Variants in BRMS1L observed in about 807,000 individuals in gnomAD.
The protein encoded by BRMS1L is breast cancer metastasis-suppressor 1-like protein.
Under a neutral mutation model 50.3 loss-of-function variants are expected in BRMS1L, and 23 were observed. The ratio of observed to expected loss-of-function variants is 0.46; its 90% CI spans 0.33 to 0.65. The LOEUF (loss-of-function observed/expected upper bound fraction) is 0.65. BRMS1L is among the 30% of genes least tolerant of loss of function. The probability of loss-of-function intolerance (pLI) is 0.02; values close to 1 mark genes in which losing one functional copy is unlikely to be tolerated. For missense variants in BRMS1L, 286 were observed against 386.1 expected, an observed-to-expected ratio of 0.74 and a Z score of 2.17; for synonymous variants, 114 against 126.9, an observed-to-expected ratio of 0.90 and a Z score of 0.69.
rs754644020 is a variant in BRMS1L, at chr14:35,870,498, A to C, written c.*21A>C. On this transcript the variant is annotated 3_prime_UTR_variant, in exon 10 of 10. Coordinates refer to ENST00000216807, the MANE Select transcript of BRMS1L (RefSeq NM_032352.4). ...CATAATCATGATTTAAGTGTTATCT[A>C]AATTTACCTTATTAGTGTTACCAAA... 2.1e-6 allele frequency: 3 copies of C among 1,462,068 alleles called. No homozygotes were observed. The highest frequency in any genetic ancestry group is 3.6e-5 in the Admixed American group (2 of 56,022). The allele number at this position is 1,462,068 out of a possible 1,614,324, so 90.6% of individuals were successfully genotyped here. A position where few individuals can be genotyped will look rare whatever the true frequency, so the allele number is the denominator to read the frequency against.
At chr14:35,865,685 A>T (rs1594349685) in intron 7 of BRMS1L, 37 bp from the exon 8 acceptor site, 1 of 1,508,058 alleles carries the variant, frequency 6.6e-7, no homozygotes, top group Non-Finnish European at 9.0e-7. Context: ...CTGAACTCAG[A>T]CTTCTTTCTT....
intron 4 of BRMS1L, among the ~76,000 whole-genome samples, chr14:35,854,962 G>A (rs568943399): frequency 6.6e-6 from 1 of 152,326 alleles, no homozygotes; most frequent in East Asian, 1.9e-4. Context: ...ATACTTTCAG[G>A]AAAAACTTTT....
intron 4 of BRMS1L, among the ~76,000 whole-genome samples, chr14:35,837,425 T>G (rs1261883926): frequency 1.3e-5 from 2 of 152,188 alleles, no homozygotes; most frequent in East Asian, 3.8e-4. Context: ...ACCTTTTTCA[T>G]TTATTCCATA....
chr14:35,855,780 A>C (rs1566425785), intron 4 of BRMS1L, among the ~76,000 whole-genome samples: 1 of 152,154 alleles, frequency 6.6e-6, no homozygotes, highest in Non-Finnish European at 1.5e-5. Context: ...GTGAAAGCTA[A>C]CCTATCTTTA....
At position 35,871,474 on chromosome 14, in the gene BRMS1L, C is replaced by A. The variant is rs1477575970; in HGVS notation, c.*997C>A. 1.3e-5 allele frequency: 2 copies of A among 152,588 alleles called. No homozygotes were observed. Among genetic ancestry groups the A allele is most frequent in the African/African-American group, 4.8e-5 (2 of 41,436 alleles). The allele number at this position is 152,588 out of a possible 1,614,324, so 9.5% of individuals were successfully genotyped here. A position where few individuals can be genotyped will look rare whatever the true frequency, so the allele number is the denominator to read the frequency against. ...TTAGAAAGTGTTGGCCTCCCTTCCG[C>A]TAGCCACATTCAAAATTAACTTCCA... On this transcript the variant is annotated 3_prime_UTR_variant, in exon 10 of 10. Coordinates refer to ENST00000216807, the MANE Select transcript of BRMS1L (RefSeq NM_032352.4).
chr14:35,846,963 G>GT (rs200146481), intron 4 of BRMS1L, among the ~76,000 whole-genome samples: 8 of 151,446 alleles, frequency 5.3e-5, no homozygotes, highest in Admixed American at 6.6e-5. Flanking sequence ...TTATATTGCT[G>GT]TTTTTTTAAA....
chr14:35,870,341 CT>C lies in BRMS1L; in HGVS notation c.855-9del, dbSNP rs60163392. ...AGACATTGTAATTCATTCATTCATT[CT>C]TTTTTTTTTCTTTTTAGTGCTGTAA... On this transcript the variant is annotated intron_variant, in intron 9 of 9. Transcript: ENST00000216807. 16,593 of 1,263,010 alleles carry C rather than the reference CT, an allele frequency of 0.013. 914 individuals are homozygous for C. In the African/African-American group the frequency reaches 0.17, roughly 13 times the overall value. 78.2% of individuals were successfully genotyped at this position (1,263,010 alleles called of 1,614,324 possible). A position where few individuals can be genotyped will look rare whatever the true frequency, so the allele number is the denominator to read the frequency against.
chr14:35,864,196 G>A (rs149672897), intron 6 of BRMS1L, among the ~76,000 whole-genome samples: 23 of 152,228 alleles, frequency 1.5e-4, no homozygotes, highest in African/African-American at 4.3e-4. Context: ...GTGACTTGTC[G>A]TTCACCAAGG....
chr14:35,839,109 A>C (rs2078029640), intron 4 of BRMS1L, among the ~76,000 whole-genome samples: 1 of 152,188 alleles, frequency 6.6e-6, no homozygotes, highest in South Asian at 2.1e-4. Flanking sequence ...TTTTCCCAAC[A>C]CCATTTATTA....
At position 35,869,288 on chromosome 14, in the gene BRMS1L, T is replaced by C. The variant is rs1204663715; in HGVS notation, c.855-1072T>C. ...AGATGAGGCCAGGTACAATAGATCTTTCCTGTAGTAATTCCAGTACTTGGG... is the reference window on the plus strand; with the variant it reads ...AGATGAGGCCAGGTACAATAGATCTCTCCTGTAGTAATTCCAGTACTTGGG... On this transcript the variant is annotated intron_variant, in intron 9 of 9. Transcript: ENST00000216807. 8.5e-5 allele frequency among the ~76,000 whole-genome samples: 13 copies of C among 152,258 alleles called. No individual in the cohort carries two copies. In the South Asian group the frequency reaches 2.5e-3, roughly 29 times the overall value.
At chr14:35,833,546 T>G (rs934384504) in intron 3 of BRMS1L, among the ~76,000 whole-genome samples, 10 of 152,290 alleles carry the variant, frequency 6.6e-5, no homozygotes, top group Middle Eastern at 3.4e-3. Context: ...ACAGGAAACT[T>G]GCCTTGAACT....
intron 2 of BRMS1L, among the ~76,000 whole-genome samples, chr14:35,831,900 G>A (rs2077924327): frequency 2.0e-5 from 3 of 150,800 alleles, no homozygotes; most frequent in South Asian, 2.1e-4. Context: ...CAGCCTGGGC[G>A]ACAGAGTAAG....
At chr14:35,826,700 C>CG in intron 1 of BRMS1L, 42 bp downstream of exon 1, 1 of 1,599,592 alleles carries the variant, frequency 6.3e-7, no homozygotes, top group Non-Finnish European at 8.5e-7. Flanking sequence ...CCGCGCCCAG[C>CG]GCGCGACAGG....
intron 4 of BRMS1L, among the ~76,000 whole-genome samples, chr14:35,857,305 A>G (rs917437119): frequency 1.4e-4 from 21 of 150,690 alleles, no homozygotes; most frequent in South Asian, 1.0e-3. Context: ...GTGTGTGTAT[A>G]TATATATATG....
In BRMS1L at chr14:35,831,400, T is replaced by G. The variant is rs962592691; in HGVS notation, c.143-10T>G. On this transcript the variant is annotated splice_polypyrimidine_tract_variant and intron_variant, in intron 1 of 9. Coordinates refer to ENST00000216807, the MANE Select transcript of BRMS1L (RefSeq NM_032352.4). Reference sequence around the variant, plus strand: ...AAGTTTATCTTTTATATTTGCCTTTTTATTAACAGAAATGGATGATGAAGA... The same window carrying G: ...AAGTTTATCTTTTATATTTGCCTTTGTATTAACAGAAATGGATGATGAAGA... 1 of 1,601,214 alleles carries G rather than the reference T, an allele frequency of 6.2e-7. No homozygotes were observed. Among genetic ancestry groups the G allele is most frequent in the East Asian group, 2.2e-5 (1 of 44,814 alleles).
chr14:35,850,605 A>T (rs984719193), intron 4 of BRMS1L, among the ~76,000 whole-genome samples: 2 of 152,170 alleles, frequency 1.3e-5, no homozygotes, highest in African/African-American at 4.8e-5. Context: ...TTTTTGTGTC[A>T]TATCAAAGAA....
chr14:35,845,269 G>A (rs1314322160), intron 4 of BRMS1L, among the ~76,000 whole-genome samples: 1 of 152,182 alleles, frequency 6.6e-6, no homozygotes, highest in Non-Finnish European at 1.5e-5. Flanking sequence ...TGAAATGGAA[G>A]CAGTGAAAGC....
At chr14:35,833,204 A>G (rs2077947635) in intron 3 of BRMS1L, 99 bp downstream of exon 3, 1 of 1,237,054 alleles carries the variant, frequency 8.1e-7, no homozygotes, top group Non-Finnish European at 1.1e-6. Flanking sequence ...ATGGGATTAC[A>G]AGCATATTTA....
chr14:35,862,722 C>T (rs1190364530), intron 5 of BRMS1L, 36 bp downstream of exon 5: 3 of 1,479,960 alleles, frequency 2.0e-6, no homozygotes, highest in Non-Finnish European at 2.8e-6. Context: ...GTTTGAGTGG[C>T]ACCAGACCTT....
Sources: allele counts gnomAD v4.1 joint callset (sites outside exome capture counted in the v4.1 genomes callset), GRCh38; gene constraint gnomAD v4.1.1; transcripts MANE v1.5; gene names NCBI Gene and HGNC (gene_info 2026-07-23, HGNC 2026-07-21).